DPP10: variants seen among roughly 807,000 people sequenced by gnomAD.
DPP10 encodes inactive dipeptidyl peptidase 10.
Under a neutral mutation model 120.9 loss-of-function variants are expected in DPP10, and 33 were observed. The ratio of observed to expected loss-of-function variants is 0.27; its 90% CI spans 0.21 to 0.37. DPP10 has a LOEUF of 0.37. DPP10 is among the 10% of genes least tolerant of loss of function. The probability of loss-of-function intolerance (pLI) is 1.00; values close to 1 mark genes in which losing one functional copy is unlikely to be tolerated. For synonymous variants in DPP10, 337 were observed against 326.1 expected (o/e 1.03, Z -0.36); for missense variants, 816 against 942.8 (o/e 0.87, Z 1.76).
rs1446964082 is a variant in DPP10 at position 115,655,955 on chromosome 2, G to T, written c.442-33732G>T. Among the ~76,000 whole-genome samples the T allele has an allele frequency of 2.0e-5, 3 of 151,548 alleles. No homozygotes were observed. The Admixed American group carries it at 2.0e-4, about 10-fold the overall frequency. ...GATAAGAATAGAATGAATGATGGTT[G>T]CCAGGGACTGCGTGAGGAGAAAATG... On this transcript the variant is annotated intron_variant, in intron 5 of 25. Coordinates refer to ENST00000410059, the MANE Select transcript of DPP10 (RefSeq NM_020868.6).
intron 1 of DPP10, among the ~76,000 whole-genome samples, chr2:115,257,253 C>A (rs1218946588): frequency 6.6e-6 from 1 of 152,166 alleles, no homozygotes; most frequent in Non-Finnish European, 1.5e-5. Context: ...TTTAGCAATA[C>A]CCCACTCCTC....
intron 5 of DPP10, among the ~76,000 whole-genome samples, chr2:115,686,984 C>G (rs1474035094): frequency 6.6e-6 from 1 of 151,920 alleles, no homozygotes. Flanking sequence ...ATTTTACCCT[C>G]TCGTCATGAA....
At chr2:115,254,530 G>T (rs1039567689) in intron 1 of DPP10, among the ~76,000 whole-genome samples, 1 of 152,132 alleles carries the variant, frequency 6.6e-6, no homozygotes, top group African/African-American at 2.4e-5. Context: ...CAACAGTCCC[G>T]CAAAGTCTTA....
At chr2:114,985,817 T>C (rs1000070496) in intron 1 of DPP10, among the ~76,000 whole-genome samples, 3 of 152,252 alleles carry the variant, frequency 2.0e-5, no homozygotes, top group African/African-American at 4.8e-5. Flanking sequence ...GTGTGTGTAA[T>C]GTCTACAGCT....
chr2:114,678,497 G>A (rs1698812373), intron 1 of DPP10, among the ~76,000 whole-genome samples: 1 of 151,964 alleles, frequency 6.6e-6, no homozygotes, highest in African/African-American at 2.4e-5. Context: ...ACCAAAGTCT[G>A]GACTCCGGCA....
At chr2:115,027,019 C>A (rs184250549) in intron 1 of DPP10, among the ~76,000 whole-genome samples, 1 of 151,700 alleles carries the variant, frequency 6.6e-6, no homozygotes, top group Non-Finnish European at 1.5e-5. Flanking sequence ...TAAACGTTTC[C>A]TTGTATTGAT....
At chr2:114,791,482 G>A (rs1040679220) in intron 1 of DPP10, among the ~76,000 whole-genome samples, 4 of 152,176 alleles carry the variant, frequency 2.6e-5, no homozygotes, top group Non-Finnish European at 4.4e-5. Context: ...GGAAGTAAGC[G>A]TAGTGTTGAG....
intron 7 of DPP10, among the ~76,000 whole-genome samples, chr2:115,704,684 G>A (rs2092030787): frequency 6.6e-6 from 1 of 151,968 alleles, no homozygotes; most frequent in Non-Finnish European, 1.5e-5. Context: ...TTGTAAAGGA[G>A]GCCATGATAT....
chr2:115,030,294 T>C (rs559512711), intron 1 of DPP10, among the ~76,000 whole-genome samples: 97 of 152,282 alleles, frequency 6.4e-4, no homozygotes, highest in African/African-American at 2.2e-3. Context: ...CTTTTTATTT[T>C]AGTTGTTTTA....
intron 1 of DPP10, among the ~76,000 whole-genome samples, chr2:114,795,709 G>T: frequency 6.6e-6 from 1 of 151,990 alleles, no homozygotes; most frequent in East Asian, 1.9e-4. Context: ...ACTCACTGAT[G>T]AACCACATAG....
intron 1 of DPP10, among the ~76,000 whole-genome samples, chr2:115,036,093 G>T (rs756281164): frequency 3.9e-5 from 6 of 152,190 alleles, no homozygotes; most frequent in Non-Finnish European, 7.3e-5. Flanking sequence ...TGGCTGGGAG[G>T]CCTCAGGAGA....
intron 1 of DPP10, among the ~76,000 whole-genome samples, chr2:114,902,632 T>A (rs1693671450): frequency 1.3e-5 from 2 of 152,198 alleles, no homozygotes; most frequent in African/African-American, 4.8e-5. Flanking sequence ...CTGGTATTTT[T>A]AAAATAGACT....
At chr2:115,729,816 A>T in intron 8 of DPP10, among the ~76,000 whole-genome samples, 1 of 3,054 alleles carries the variant, frequency 3.3e-4, no homozygotes, top group South Asian at 0.031. Context: ...GAGAGAGAGA[A>T]GAGAGAGAGA....
chr2:115,661,293 C>T (rs1407613644), intron 5 of DPP10, among the ~76,000 whole-genome samples: 2 of 152,032 alleles, frequency 1.3e-5, no homozygotes, highest in Admixed American at 6.6e-5. Context: ...AAATTGGTTT[C>T]CCATCATCTT....
At chr2:115,055,049 A>G (rs766794085) in intron 1 of DPP10, among the ~76,000 whole-genome samples, 6 of 152,056 alleles carry the variant, frequency 3.9e-5, no homozygotes, top group Non-Finnish European at 8.8e-5. Flanking sequence ...TGAATTGCCC[A>G]CTCTGCTTTA....
intron 7 of DPP10, among the ~76,000 whole-genome samples, chr2:115,726,070 G>C (rs2092759487): frequency 6.6e-6 from 1 of 152,068 alleles, no homozygotes; most frequent in Non-Finnish European, 1.5e-5. Context: ...TGTCTCACCT[G>C]AGAACTTTCT....
chr2:115,109,404 C>A (rs1193709676), intron 1 of DPP10, among the ~76,000 whole-genome samples: 1 of 151,956 alleles, frequency 6.6e-6, no homozygotes, highest in East Asian at 1.9e-4. Context: ...GGCGTGGTGG[C>A]GGGCGCCTGT....
chr2:115,304,371 G>A (rs532778524), intron 1 of DPP10, among the ~76,000 whole-genome samples: 25 of 152,098 alleles, frequency 1.6e-4, no homozygotes, highest in Admixed American at 3.3e-4. Flanking sequence ...AAGAACGAAC[G>A]TAAACAGTGT....
rs185170512 is a variant in DPP10 at position 114,606,647 on chromosome 2, C to T, written c.60+163809C>T. The stretch of plus-strand genomic sequence containing the variant: ...CAATACCATCTGGTGCCCAGAAGAA[C>T]TTCTGCATACTTAATCAGACCCCAA... On this transcript the variant is annotated intron_variant, in intron 1 of 25. Transcript: ENST00000410059. Among the ~76,000 whole-genome samples the T allele has an allele frequency of 3.9e-3, 587 of 152,272 alleles. 1 individual carries two copies. Among genetic ancestry groups the T allele is most frequent in the Non-Finnish European group, 6.1e-3 (415 of 68,012 alleles).
Sources: allele counts gnomAD v4.1 joint callset (sites outside exome capture counted in the v4.1 genomes callset), GRCh38; gene constraint gnomAD v4.1.1; transcripts MANE v1.5; gene names NCBI Gene and HGNC (gene_info 2026-07-23, HGNC 2026-07-21).